The following EMC8 variants were observed in gnomAD, a reference collection of about 807,000 sequenced individuals.
EMC8 encodes ER membrane protein complex subunit 8.
EMC8 carries 11 observed loss-of-function variants against 24.3 expected under a neutral mutation model. That is an observed-to-expected ratio of 0.45 (90% confidence interval 0.28 to 0.75). EMC8 has a LOEUF of 0.75. EMC8 is among the 30% of genes least tolerant of loss of function. EMC8 has a pLI of 0.12. For missense variants in EMC8, 277 were observed against 282.7 expected (o/e 0.98, Z 0.14); for synonymous variants, 145 against 117.7 (o/e 1.23, Z -1.50).
At chr16:85,785,871 C>A (rs1057100169) in intron 2 of EMC8, among the ~76,000 whole-genome samples, 1 of 152,200 alleles carries the variant, frequency 6.6e-6, no homozygotes, top group Non-Finnish European at 1.5e-5. Flanking sequence ...CTAAAAGCTT[C>A]CTCCTGAGTG....
intron 1 of EMC8, among the ~76,000 whole-genome samples, chr16:85,795,664 T>C (rs1330099336): frequency 6.6e-6 from 1 of 152,236 alleles, no homozygotes; most frequent in Non-Finnish European, 1.5e-5. Flanking sequence ...TACCTCGCCC[T>C]ATGTGTCTCT....
At chr16:85,797,205 C>G (rs200213488) in intron 1 of EMC8, among the ~76,000 whole-genome samples, 2 of 152,104 alleles carry the variant, frequency 1.3e-5, no homozygotes, top group East Asian at 3.9e-4. Flanking sequence ...GTAAGGAGTT[C>G]AAGACCAGCC....
chr16:85,790,618 C>T (rs1366003131), intron 1 of EMC8, among the ~76,000 whole-genome samples: 2 of 152,316 alleles, frequency 1.3e-5, no homozygotes, highest in East Asian at 1.9e-4. Context: ...CCCTGATGAG[C>T]TGATCCTTGA....
At chr16:85,780,330 C>G in intron 4 of EMC8, 49 bp downstream of exon 4, 2 of 1,407,000 alleles carry the variant, frequency 1.4e-6, no homozygotes, top group Non-Finnish European at 2.0e-6. Context: ...TCTCACGTGG[C>G]CGGGCGCTGA....
intron 4 of EMC8, 45 bp from the exon 5 acceptor site, chr16:85,779,912 G>C: frequency 1.3e-6 from 2 of 1,597,144 alleles, no homozygotes; most frequent in African/African-American, 1.3e-5. Context: ...AGTGAAAACG[G>C]GCGGCTTGTA....
rs755132772 is a variant in EMC8 at position 85,781,197 on chromosome 16, C to G, written c.378+14G>C. 6.2e-7 allele frequency: 1 copy of G among 1,610,256 alleles called. No homozygotes were observed. The highest frequency in any genetic ancestry group is 1.1e-5 in the South Asian group (1 of 90,928). ...GCGCAAGGGCCTCCCACATGCTGCA[C>G]AGAAGCGACTTACCATGATGAGCGC... On this transcript the variant is annotated intron_variant, in intron 3 of 4. Transcript: ENST00000253457.
intron 2 of EMC8, among the ~76,000 whole-genome samples, chr16:85,786,195 G>C (rs1490013382): frequency 1.3e-5 from 2 of 152,216 alleles, no homozygotes; most frequent in Non-Finnish European, 2.9e-5. Context: ...GGGCCACAGA[G>C]GCCCAAGGAG....
At chr16:85,794,650 C>G (rs1228696866) in intron 1 of EMC8, among the ~76,000 whole-genome samples, 1 of 152,210 alleles carries the variant, frequency 6.6e-6, no homozygotes. Flanking sequence ...CATCGCTCCA[C>G]TGCACTCCAG....
chr16:85,790,488 C>T (rs542579862), intron 1 of EMC8, among the ~76,000 whole-genome samples: 22 of 152,168 alleles, frequency 1.4e-4, no homozygotes, highest in African/African-American at 5.1e-4. Flanking sequence ...AACTCCAAAA[C>T]GACTCATATT....
chr16:85,796,678 T>TCTCCC (rs1905253481), intron 1 of EMC8, among the ~76,000 whole-genome samples: 1 of 152,116 alleles, frequency 6.6e-6, no homozygotes, highest in South Asian at 2.1e-4. Flanking sequence ...CTCGCTCTCC[T>TCTCCC]CTCCCGCCCA....
intron 1 of EMC8, among the ~76,000 whole-genome samples, chr16:85,789,384 T>A (rs1279214771): frequency 6.6e-6 from 1 of 152,170 alleles, no homozygotes; most frequent in Non-Finnish European, 1.5e-5. Flanking sequence ...TAGAAATGCT[T>A]AAAATTATTT....
chr16:85,795,559 G>C (rs1017110060), intron 1 of EMC8, among the ~76,000 whole-genome samples: 1 of 152,098 alleles, frequency 6.6e-6, no homozygotes, highest in African/African-American at 2.4e-5. Flanking sequence ...ACCTCCAGGA[G>C]AGGGTCCCCC....
chr16:85,781,525 G>A lies in EMC8; in HGVS notation c.309-245C>T, dbSNP rs1904498628. On this transcript the variant is annotated intron_variant, in intron 2 of 4. Transcript: ENST00000253457. ...AGCCCACTGTAACCTCAAATTCCTA[G>A]GCTCAAGCAATCCCACCTCTGCCTC... 9.4e-6 allele frequency: 4 copies of A among 427,422 alleles called. No individual in the cohort carries two copies. In the Admixed American group the frequency reaches 1.2e-4, roughly 12 times the overall value. The allele number at this position is 427,422 out of a possible 1,614,324, so 26.5% of individuals were successfully genotyped here. A position where few individuals can be genotyped will look rare whatever the true frequency, so the allele number is the denominator to read the frequency against.
chr16:85,793,162 T>C (rs938235067), intron 1 of EMC8, among the ~76,000 whole-genome samples: 4 of 152,188 alleles, frequency 2.6e-5, no homozygotes, highest in Non-Finnish European at 5.9e-5. Flanking sequence ...CTAGACTCTT[T>C]GCACAGAGGC....
At chr16:85,796,079 C>T (rs958793700) in intron 1 of EMC8, among the ~76,000 whole-genome samples, 4 of 152,086 alleles carry the variant, frequency 2.6e-5, no homozygotes, top group South Asian at 2.1e-4. Flanking sequence ...CAGAAGTCAC[C>T]GGCACACCAC....
Position 85,799,175 on chromosome 16 carries a change from G to A in EMC8, c.121C>T (p.His41Tyr), listed in dbSNP as rs941237520. The change falls in exon 1 of 5, where the codon CAC (histidine) becomes TAC (tyrosine). Residue 41 changes from histidine (H) to tyrosine (Y), a missense_variant. Physicochemically the swap from His to Tyr is moderately conservative, Grantham distance 83. Coordinates refer to ENST00000253457, the MANE Select transcript of EMC8 (RefSeq NM_006067.5). This position sits in a 1 kb window ranked among gnomAD's most constrained non-coding sequence, Gnocchi z 4.2. ...GCGCCGGGGCCGCCCAGGGGGAGGT[G>A]CTCCTTACGCGGCTTCTGCTTCTCG... ...VAEKQKPRKEHLPLGGPGAHH... is the reference protein window; with the variant it reads ...VAEKQKPRKEYLPLGGPGAHH... The A allele has an allele frequency of 1.9e-6, 3 of 1,611,970 alleles. No individual in the cohort carries two copies. The highest frequency in any genetic ancestry group is 1.7e-5 in the Admixed American group (1 of 59,884).
intron 1 of EMC8, among the ~76,000 whole-genome samples, chr16:85,794,473 G>A (rs1905160270): frequency 1.3e-5 from 2 of 152,176 alleles, no homozygotes; most frequent in African/African-American, 2.4e-5. Flanking sequence ...CGGACTGCCT[G>A]AGCTCAGGAG....
chr16:85,780,963 T>C (rs753565839), intron 3 of EMC8: 18 of 545,350 alleles, frequency 3.3e-5, no homozygotes, highest in Admixed American at 1.6e-4. Context: ...TTCGCATTTC[T>C]AACAAGTTCC....
chr16:85,790,065 T>A (rs1597205939), intron 1 of EMC8, among the ~76,000 whole-genome samples: 1 of 152,336 alleles, frequency 6.6e-6, no homozygotes, highest in East Asian at 1.9e-4. Flanking sequence ...CAAAAGCTCA[T>A]CCTGTTTTGG....
Sources: allele counts gnomAD v4.1 joint callset (sites outside exome capture counted in the v4.1 genomes callset), GRCh38; gene constraint gnomAD v4.1.1; non-coding constraint Gnocchi (gnomAD v3.1); transcripts MANE v1.5; gene names NCBI Gene and HGNC (gene_info 2026-07-23, HGNC 2026-07-21).